The following COL4A2 variants were observed in gnomAD, a reference collection of about 807,000 sequenced individuals.
COL4A2 encodes collagen alpha-2(IV) chain.
Under a neutral mutation model 200.2 loss-of-function variants are expected in COL4A2, and 99 were observed. The ratio of observed to expected loss-of-function variants is 0.49; its 90% confidence interval spans 0.42 to 0.58. The LOEUF (loss-of-function observed/expected upper bound fraction) is 0.58, where lower values mean the gene tolerates loss of function less well. Among genes scored for constraint, COL4A2 ranks in the 20% least tolerant of loss-of-function variants. The probability of loss-of-function intolerance (pLI) is 0.00; values close to 1 mark genes in which losing one functional copy is unlikely to be tolerated. For missense variants in COL4A2, 1,950 were observed against 2,314.1 expected, an observed-to-expected ratio of 0.84 and a Z score of 3.23; for synonymous variants, 897 against 900.6, an observed-to-expected ratio of 1.00 and a Z score of 0.07.
intron 3 of COL4A2, among the ~76,000 whole-genome samples, chr13:110,331,761 T>C (rs762092930): frequency 6.6e-6 from 1 of 152,048 alleles, no homozygotes; most frequent in African/African-American, 2.4e-5. Flanking sequence ...TCCTAATGAG[T>C]TCAAGCACTT....
At chr13:110,482,465 C>G (rs1158918848) in intron 31 of COL4A2, 51 bp from the exon 32 acceptor site, 1 of 1,575,474 alleles carries the variant, frequency 6.3e-7, no homozygotes, top group Non-Finnish European at 8.7e-7. Context: ...CTGAAATGTC[C>G]CATGCATTTT....
chr13:110,432,397 G>C (rs1438883266), intron 11 of COL4A2, 37 bp downstream of exon 11: 3 of 1,576,368 alleles, frequency 1.9e-6, no homozygotes, highest in Non-Finnish European at 2.6e-6. Context: ...GAGGGAAGGG[G>C]GTACTTAGGT....
At chr13:110,459,074 A>G in intron 22 of COL4A2, 140 bp downstream of exon 22, 5 of 818,700 alleles carry the variant, frequency 6.1e-6, no homozygotes, top group Non-Finnish European at 8.9e-6. Flanking sequence ...AAACCATTCT[A>G]AAAACCCACA....
intron 3 of COL4A2, among the ~76,000 whole-genome samples, chr13:110,345,113 G>A (rs1245091806): frequency 6.6e-6 from 1 of 152,134 alleles, no homozygotes; most frequent in Non-Finnish European, 1.5e-5. Flanking sequence ...GAATCAATGT[G>A]ATTTGACTTT....
chr13:110,320,738 C>T (rs1885254200), intron 3 of COL4A2, among the ~76,000 whole-genome samples: 1 of 152,208 alleles, frequency 6.6e-6, no homozygotes. Flanking sequence ...TAGAATTCAT[C>T]CGTTTTAAAA....
chr13:110,426,494 TA>T (rs1306138026), intron 6 of COL4A2, among the ~76,000 whole-genome samples: 1 of 152,224 alleles, frequency 6.6e-6, no homozygotes, highest in Non-Finnish European at 1.5e-5. Context: ...TCACCTGCCA[TA>T]AGTAATCAGT....
intron 27 of COL4A2, among the ~76,000 whole-genome samples, chr13:110,468,754 C>A (rs1320400456): frequency 6.6e-6 from 1 of 152,180 alleles, no homozygotes; most frequent in African/African-American, 2.4e-5. Context: ...CTTCAATTAT[C>A]AGAAAACACT....
At position 110,478,184 on chromosome 13, in the gene COL4A2, A is replaced by C; in HGVS notation, c.2587+20A>C. ...GTGAAGGTAAGACCCCAGCCCTCCC[A>C]TAAACGAGTGGGGTCCTCACTGGTC... is the stretch of plus-strand genomic sequence containing the variant. On this transcript the variant is annotated intron_variant, in intron 30 of 47. Coordinates refer to ENST00000360467, the MANE Select transcript of COL4A2 (RefSeq NM_001846.4). The C allele has an allele frequency of 6.5e-7, 1 of 1,548,436 alleles. No homozygotes were observed.
intron 3 of COL4A2, among the ~76,000 whole-genome samples, chr13:110,308,578 C>A (rs1462386166): frequency 6.6e-6 from 1 of 151,996 alleles, no homozygotes; most frequent in Non-Finnish European, 1.5e-5. Flanking sequence ...GGTAAAGGGG[C>A]GGGGCGAGGA....
At chr13:110,324,056 A>G (rs1885343851) in intron 3 of COL4A2, among the ~76,000 whole-genome samples, 1 of 152,224 alleles carries the variant, frequency 6.6e-6, no homozygotes, top group African/African-American at 2.4e-5. Context: ...CTAATGCAAA[A>G]TATGCTTCAA....
At chr13:110,467,945 A>T (rs751949841) in intron 27 of COL4A2, among the ~76,000 whole-genome samples, 10 of 152,216 alleles carry the variant, frequency 6.6e-5, no homozygotes, top group Non-Finnish European at 1.0e-4. Flanking sequence ...TGTCACAAGC[A>T]CCAGACACAG....
At chr13:110,496,562 G>A (rs7995353) in intron 40 of COL4A2, among the ~76,000 whole-genome samples, 6,694 of 139,924 alleles carry the variant, frequency 0.048, 37 homozygotes, top group South Asian at 0.13. Flanking sequence ...TGAGGATCTA[G>A]GGTCAGTCCA....
chr13:110,491,305 G>C lies in COL4A2; in HGVS notation c.3419G>C (p.Gly1140Ala). ...TTCCCTGGGATAACAGGCGTGACTG[G>C]AGTCCAAGGCCCTCCTGGACTTAAA... ...IGFPGITGVTGVQGPPGLKGQ... is the reference protein window; with the variant it reads ...IGFPGITGVTAVQGPPGLKGQ... The change falls in exon 37 of 48, where the codon GGA becomes GCA. Residue 1140 changes from glycine (G) to alanine (A), a missense_variant. Gly to Ala is a moderately conservative substitution (Grantham distance 60). Coordinates refer to ENST00000360467, the MANE Select transcript of COL4A2 (RefSeq NM_001846.4). 6.3e-7 allele frequency: 1 copy of C among 1,596,614 alleles called. No individual in the cohort carries two copies. Among genetic ancestry groups the C allele is most frequent in the Non-Finnish European group, 8.5e-7 (1 of 1,170,526 alleles).
At chr13:110,466,666 C>T (rs1882252272) in intron 26 of COL4A2, among the ~76,000 whole-genome samples, 1 of 152,186 alleles carries the variant, frequency 6.6e-6, no homozygotes, top group African/African-American at 2.4e-5. Flanking sequence ...CAGGCTATCT[C>T]CATTGCTGGC....
chr13:110,449,363 A>T (rs1881444186), intron 18 of COL4A2, among the ~76,000 whole-genome samples: 1 of 152,182 alleles, frequency 6.6e-6, no homozygotes, highest in Non-Finnish European at 1.5e-5. Context: ...GCTGAGGGGC[A>T]GAGTGGGGTG....
At chr13:110,445,113 A>C (rs1881271829) in intron 16 of COL4A2, among the ~76,000 whole-genome samples, 1 of 152,122 alleles carries the variant, frequency 6.6e-6, no homozygotes. Flanking sequence ...GGCTTCCCGA[A>C]GTGCTGGGAT....
chr13:110,429,888 C>T lies in COL4A2; in HGVS notation c.481C>T (p.Pro161Ser), dbSNP rs756484014. Residue 161 changes from proline to serine, a missense_variant, in exon 8 of 48, where the codon CCC (proline) becomes TCC (serine). Coordinates refer to ENST00000360467, the MANE Select transcript of COL4A2 (RefSeq NM_001846.4). ...GSEGFTGPPGPQGPKGQKGEP... is the reference protein window; with the variant it reads ...GSEGFTGPPGSQGPKGQKGEP... ...TTACAATATATCTGCTAATTAGGGG[C>T]CCCAAGGACCAAAAGGGCAGAAAGG... 4 of 1,612,696 alleles carry T rather than the reference C, an allele frequency of 2.5e-6. No homozygotes were observed. The highest frequency in any genetic ancestry group is 3.4e-6 in the Non-Finnish European group (4 of 1,179,516).
At chr13:110,479,675 C>G (rs910655318) in intron 30 of COL4A2, among the ~76,000 whole-genome samples, 1 of 152,200 alleles carries the variant, frequency 6.6e-6, no homozygotes, top group African/African-American at 2.4e-5. Flanking sequence ...AGGGACCCAG[C>G]AGGCAGCCCT....
intron 4 of COL4A2, among the ~76,000 whole-genome samples, chr13:110,361,204 G>A (rs537484377): frequency 1.5e-4 from 23 of 152,268 alleles, no homozygotes; most frequent in African/African-American, 5.3e-4. Flanking sequence ...CTACAAATCC[G>A]GTGCATGTGG....
Sources: gnomAD v4.1 joint callset for allele counts (sites outside exome capture counted in the v4.1 genomes callset) on GRCh38, gnomAD v4.1.1 for gene constraint, MANE v1.5 for transcripts, NCBI Gene and HGNC (gene_info 2026-07-23, HGNC 2026-07-21) for gene names.